GTPBP6: variants seen among roughly 807,000 people sequenced by gnomAD.
The protein encoded by GTPBP6 is GTP binding protein 6.
GTPBP6 carries 33 observed loss-of-function variants against 28.9 expected under a neutral mutation model. The ratio of observed to expected loss-of-function variants is 1.14; its 90% CI spans 0.87 to 1.53. The LOEUF (loss-of-function observed/expected upper bound fraction) is 1.53. GTPBP6 is among the 40% of genes most tolerant of loss of function. The probability of loss-of-function intolerance (pLI) is 0.00; values close to 1 mark genes in which losing one functional copy is unlikely to be tolerated. For missense variants in GTPBP6, 507 were observed against 408.3 expected (o/e 1.24, Z -2.08); for synonymous variants, 231 against 192.7 (o/e 1.20, Z -1.65).
chrX:312,235 G>T (rs1275465238), intron 6 of GTPBP6: 1 of 397,228 alleles, frequency 2.5e-6, no homozygotes, highest in Non-Finnish European at 5.0e-6. Context: ...CTGGGGCAGT[G>T]GTGCCAGTGT....
intron 1 of GTPBP6, among the ~76,000 whole-genome samples, chrX:317,429 G>A (rs1295786792): frequency 6.6e-6 from 1 of 151,864 alleles, no homozygotes; most frequent in African/African-American, 2.4e-5. Context: ...TCTGTTCCAG[G>A]AATTAGCCAT....
At chrX:308,789 C>A (rs1009939011) in intron 7 of GTPBP6, among the ~76,000 whole-genome samples, 7 of 141,536 alleles carry the variant, frequency 4.9e-5, no homozygotes, top group African/African-American at 1.9e-4. Context: ...GGCTGGAGTG[C>A]AGTGGCGCGA....
At chrX:318,597 C>A (rs1371277199) in exon 1 of GTPBP6, 113 of 397,876 alleles carry the variant, frequency 2.8e-4, no homozygotes, top group Non-Finnish European at 4.3e-4. Context: ...TCCCGTGCGG[C>A]TTCGGCCGCC....
At chrX:313,588 C>G (rs1201297182) in intron 5 of GTPBP6, among the ~76,000 whole-genome samples, 4 of 152,138 alleles carry the variant, frequency 2.6e-5, no homozygotes, top group Non-Finnish European at 4.4e-5. Flanking sequence ...AGGTGTTTGT[C>G]ATAACTGAAG....
chrX:311,361 C>G (rs1389708896), intron 7 of GTPBP6, 58 bp downstream of exon 7: 67 of 1,201,884 alleles, frequency 5.6e-5, no homozygotes, highest in Admixed American at 1.2e-4. Context: ...GTCTGAGTGC[C>G]CAGCCCCCGT....
At chrX:315,628 G>C (rs1347461058) in intron 2 of GTPBP6, among the ~76,000 whole-genome samples, 3,246 of 18,178 alleles carry the variant, frequency 0.18, 8 homozygotes, top group Middle Eastern at 0.32. Flanking sequence ...CACACAGACA[G>C]ACACACAGAG....
exon 1 of GTPBP6, chrX:318,778 G>A (rs1395220023): frequency 2.6e-5 from 8 of 306,614 alleles, no homozygotes; most frequent in Admixed American, 1.5e-4. Flanking sequence ...GCGGCCCGCA[G>A]GGCCCACATG....
intron 5 of GTPBP6, among the ~76,000 whole-genome samples, chrX:313,618 T>C (rs1252738865): frequency 6.6e-6 from 1 of 152,110 alleles, no homozygotes; most frequent in East Asian, 1.9e-4. Flanking sequence ...ATGCGACGAT[T>C]CTGGATTAGG....
At chrX:312,057 G>A in intron 6 of GTPBP6, 1 of 453,416 alleles carries the variant, frequency 2.2e-6, no homozygotes, top group Non-Finnish European at 4.3e-6. Flanking sequence ...GTTGACAGAA[G>A]GATGGTGTAG....
At chrX:312,520 T>G in intron 6 of GTPBP6, 1 of 685,080 alleles carries the variant, frequency 1.5e-6, no homozygotes, top group Non-Finnish European at 2.7e-6. Context: ...ATGGGGTAGA[T>G]GACATCCTCA....
exon 8 of GTPBP6, chrX:307,761 C>T (rs1159376312): frequency 6.6e-7 from 1 of 1,514,424 alleles, no homozygotes; most frequent in South Asian, 1.3e-5. Flanking sequence ...TGTTGTGAAC[C>T]TCCACCATGG....
At chrX:314,476 CT>C (rs755234998) in intron 4 of GTPBP6, among the ~76,000 whole-genome samples, 1,816 of 142,846 alleles carry the variant, frequency 0.013, 12 homozygotes, top group African/African-American at 0.019. Context: ...TGCTTTTCTT[CT>C]TTTTTTTTTT....
chrX:306,825 C>G (rs2070177837), intron 9 of GTPBP6, among the ~76,000 whole-genome samples: 1 of 150,822 alleles, frequency 6.6e-6, no homozygotes, highest in African/African-American at 2.5e-5. Context: ...TATCCACAGT[C>G]AGAAATGTAT....
At chrX:311,687 G>A (rs1252090231) in intron 6 of GTPBP6, 60 bp from the exon 7 acceptor site, 60 of 1,358,700 alleles carry the variant, frequency 4.4e-5, no homozygotes, top group African/African-American at 1.6e-4. Flanking sequence ...TCCTAGCGCC[G>A]CAGCCAGGCC....
At chrX:309,534 G>T (rs762627498) in intron 7 of GTPBP6, among the ~76,000 whole-genome samples, 1 of 152,180 alleles carries the variant, frequency 6.6e-6, no homozygotes, top group Admixed American at 6.5e-5. Flanking sequence ...AGTTTTTGCA[G>T]ATGTAGTTAA....
rs747774960 is a variant in GTPBP6 at position 311,116 on chromosome X, C to T, written c.1125+303G>A. Among the ~76,000 whole-genome samples, 867 of 152,104 alleles carry T rather than the reference C, an allele frequency of 5.7e-3. 17 individuals are homozygous for T. The highest frequency in any genetic ancestry group is 3.7e-3 in the Non-Finnish European group (252 of 68,012). ...TGGGGCAACCGCTCAGCCTCTCGCC[C>T]GGGGACGTGGGAGGCTTGGGGGACA... On this transcript the variant is annotated intron_variant, in intron 7 of 9. Coordinates refer to ENST00000326153, the Ensembl canonical transcript of GTPBP6.
intron 2 of GTPBP6, among the ~76,000 whole-genome samples, chrX:315,740 CAGACACATACACAGAG>C (rs2070423334): frequency 8.0e-5 from 2 of 25,068 alleles, no homozygotes; most frequent in African/African-American, 1.3e-4. Context: ...GACACACACA[CAGACACATACACAGAG>C]ACACACACAA....
chrX:318,488 C>A, exon 1 of GTPBP6: 1 of 398,508 alleles, frequency 2.5e-6, no homozygotes, highest in Non-Finnish European at 4.4e-6. Flanking sequence ...CAGGGTGAAC[C>A]AGACACACGC....
rs773835599 is a variant in GTPBP6 at position 305,217 on chromosome X, G to T, written c.1428-20C>A. 2.3e-5 allele frequency: 37 copies of T among 1,582,262 alleles called. No homozygotes were observed. In the South Asian group the frequency reaches 4.1e-4, roughly 18 times the overall value. On this transcript the variant is annotated intron_variant, in intron 9 of 9. Transcript: ENST00000326153. ...AGCCAGCTGGGCACAGATGCGCGTT[G>T]TATGGAGACAAGCAGAACCCGTAAG... is the stretch of plus-strand genomic sequence containing the variant.
Sources: gnomAD v4.1 joint callset for allele counts (sites outside exome capture counted in the v4.1 genomes callset) on GRCh38, gnomAD v4.1.1 for gene constraint, MANE v1.5 for transcripts, NCBI Gene and HGNC (gene_info 2026-07-23, HGNC 2026-07-21) for gene names.